Variants in LRFN5 observed in about 807,000 individuals in gnomAD.
LRFN5 encodes the protein leucine rich repeat and fibronectin type III domain containing 5.
A neutral mutation model predicts 45.6 loss-of-function variants in LRFN5; 24 were observed. That is an observed-to-expected ratio of 0.53 (90% CI 0.38 to 0.74). The LOEUF (loss-of-function observed/expected upper bound fraction) is 0.74. Ranked by LOEUF, LRFN5 falls within the 30% of genes least tolerant of loss-of-function variation. LRFN5 has a pLI of 0.00. For missense variants in LRFN5, 776 were observed against 861.5 expected, an observed-to-expected ratio of 0.90 and a Z score of 1.24; for synonymous variants, 340 against 313.8, an observed-to-expected ratio of 1.08 and a Z score of -0.88.
chr14:41,780,979 A>G (rs1886461126), intron 2 of LRFN5, among the ~76,000 whole-genome samples: 1 of 152,054 alleles, frequency 6.6e-6, no homozygotes, highest in African/African-American at 2.4e-5. Context: ...ATCCCTTTTT[A>G]TATTTCTGTC....
chr14:41,791,927 T>G (rs1886935534), intron 2 of LRFN5, among the ~76,000 whole-genome samples: 1 of 152,250 alleles, frequency 6.6e-6, no homozygotes, highest in Middle Eastern at 3.4e-3. Context: ...TTCCTTTCCT[T>G]TGGCTATCCA....
intron 2 of LRFN5, among the ~76,000 whole-genome samples, chr14:41,841,641 C>T (rs1241593867): frequency 7.3e-5 from 11 of 151,108 alleles, no homozygotes; most frequent in African/African-American, 1.9e-4. Context: ...GTTTTTTTTC[C>T]AGTTTTGGGC....
At chr14:41,725,817 G>C (rs1320853715) in intron 1 of LRFN5, among the ~76,000 whole-genome samples, 1 of 152,100 alleles carries the variant, frequency 6.6e-6, no homozygotes, top group Non-Finnish European at 1.5e-5. Flanking sequence ...GAATGCAGAA[G>C]ACATGCTCTT....
At chr14:41,875,025 T>C (rs1398264886) in intron 2 of LRFN5, among the ~76,000 whole-genome samples, 1 of 152,100 alleles carries the variant, frequency 6.6e-6, no homozygotes, top group South Asian at 2.1e-4. Context: ...CCATGACACA[T>C]AGGGATTGTA....
At chr14:41,778,978 T>C (rs1377877631) in intron 2 of LRFN5, among the ~76,000 whole-genome samples, 2 of 151,852 alleles carry the variant, frequency 1.3e-5, no homozygotes, top group African/African-American at 4.8e-5. Flanking sequence ...CTTCTTGATC[T>C]GTGCAACATT....
In LRFN5 at chr14:41,808,349, T is replaced by TGAAG. The variant is rs58070386; in HGVS notation, c.-21+41342_-21+41345dup. Among the ~76,000 whole-genome samples the TGAAG allele has an allele frequency of 3.2e-4, 14 of 43,446 alleles. 1 individual carries two copies. The highest frequency in any genetic ancestry group is 5.6e-4 in the Non-Finnish European group (12 of 21,546). 28.5% of individuals were successfully genotyped at this position (43,446 alleles called of 152,430 possible). On this transcript the variant is annotated intron_variant, in intron 2 of 5. Transcript: ENST00000298119. The stretch of plus-strand genomic sequence containing the variant: ...AGGGAGGAAGGAAGGAAGGGAGGGA[T>TGAAG]GAAGGAAGGAAGGAAGGAAGGAAGG...
chr14:41,750,367 G>T (rs1885082385), intron 1 of LRFN5, among the ~76,000 whole-genome samples: 1 of 150,600 alleles, frequency 6.6e-6, no homozygotes, highest in Non-Finnish European at 1.5e-5. Context: ...AATGGAAAGA[G>T]ATTCTATAGT....
chr14:41,687,955 A>G (rs1265447259), intron 1 of LRFN5, among the ~76,000 whole-genome samples: 2 of 152,238 alleles, frequency 1.3e-5, no homozygotes, highest in East Asian at 1.9e-4. Flanking sequence ...AATAAAAACA[A>G]TAAAAAAAGA....
At chr14:41,733,807 A>T (rs1198236551) in intron 1 of LRFN5, among the ~76,000 whole-genome samples, 1 of 151,546 alleles carries the variant, frequency 6.6e-6, no homozygotes, top group Non-Finnish European at 1.5e-5. Context: ...ACAATTTAAA[A>T]TATTAATATA....
At chr14:41,897,134 A>C (rs1204201725) in intron 4 of LRFN5, among the ~76,000 whole-genome samples, 1 of 151,036 alleles carries the variant, frequency 6.6e-6, no homozygotes, top group Non-Finnish European at 1.5e-5. Flanking sequence ...ATAAATAAAT[A>C]TTAAAAAATA....
In LRFN5 at chr14:41,891,646, G is replaced by T. The variant is rs1166284966; in HGVS notation, c.1782G>T (p.Val594=). Reference sequence around the variant, plus strand: ...CCCAGTCCGTGTCCAAACAAGCTGTGGGACACGAAGAGAATGCCCAGTGTT... The same window carrying T: ...CCCAGTCCGTGTCCAAACAAGCTGTTGGACACGAAGAGAATGCCCAGTGTT... ...TLPQSVSKQA[V]GHEENAQCCK... is the part of the protein sequence containing the mutation. The change falls in exon 4 of 6, where the codon GTG becomes GTT. Residue 594 remains valine, a synonymous_variant. Transcript: ENST00000298119. The T allele has an allele frequency of 1.2e-6, 2 of 1,614,160 alleles. No homozygotes were observed. The highest frequency in any genetic ancestry group is 2.2e-5 in the South Asian group (2 of 91,082).
chr14:41,750,329 A>G (rs1472167474), intron 1 of LRFN5, among the ~76,000 whole-genome samples: 1 of 149,434 alleles, frequency 6.7e-6, no homozygotes, highest in Non-Finnish European at 1.5e-5. Context: ...GATTTCATGT[A>G]TATATATTTC....
chr14:41,753,929 A>T (rs1885252584), intron 1 of LRFN5, among the ~76,000 whole-genome samples: 1 of 152,084 alleles, frequency 6.6e-6, no homozygotes, highest in Non-Finnish European at 1.5e-5. Flanking sequence ...TTATTTTGAG[A>T]TACGTCCCAT....
chr14:41,742,236 C>T (rs1157441927), intron 1 of LRFN5, among the ~76,000 whole-genome samples: 1 of 151,322 alleles, frequency 6.6e-6, no homozygotes, highest in African/African-American at 2.4e-5. Context: ...CAGAATTAGT[C>T]ACAGTAGCCA....
intron 1 of LRFN5, among the ~76,000 whole-genome samples, chr14:41,721,935 T>G (rs1279421482): frequency 6.6e-6 from 1 of 152,148 alleles, no homozygotes; most frequent in African/African-American, 2.4e-5. Flanking sequence ...TAGGGAAATT[T>G]TCTTGAATTA....
At chr14:41,688,191 C>T (rs78298193) in intron 1 of LRFN5, among the ~76,000 whole-genome samples, 5,079 of 151,952 alleles carry the variant, frequency 0.033, 142 homozygotes, top group African/African-American at 0.085. Context: ...GGTGGGTATG[C>T]GGGGATGCTT....
intron 1 of LRFN5, among the ~76,000 whole-genome samples, chr14:41,718,156 T>G (rs1348587273): frequency 1.3e-5 from 2 of 152,198 alleles, no homozygotes; most frequent in East Asian, 3.9e-4. Context: ...CATCTTCTCT[T>G]ATTAACTAAG....
intron 2 of LRFN5, among the ~76,000 whole-genome samples, chr14:41,770,217 A>C (rs2138889540): frequency 6.6e-6 from 1 of 152,068 alleles, no homozygotes; most frequent in Non-Finnish European, 1.5e-5. Flanking sequence ...ACTAGGCCCC[A>C]CCTCCCACAT....
chr14:41,656,710 A>G (rs1001439265), intron 1 of LRFN5, among the ~76,000 whole-genome samples: 1 of 151,848 alleles, frequency 6.6e-6, no homozygotes, highest in Non-Finnish European at 1.5e-5. Context: ...AGTGTCCCAT[A>G]ATTACTGGAA....
Sources: allele counts gnomAD v4.1 joint callset (sites outside exome capture counted in the v4.1 genomes callset), GRCh38; gene constraint gnomAD v4.1.1; transcripts MANE v1.5; gene names NCBI Gene and HGNC (gene_info 2026-07-23, HGNC 2026-07-21).